DEK: variants seen among roughly 807,000 people sequenced by gnomAD.
DEK encodes the protein DEK proto-oncogene.
A neutral mutation model predicts 46.8 loss-of-function variants in DEK; 28 were observed. The ratio of observed to expected loss-of-function variants is 0.60; its 90% CI spans 0.44 to 0.82. The LOEUF (loss-of-function observed/expected upper bound fraction) is 0.82, where lower values mean the gene tolerates loss of function less well. Ranked by LOEUF, DEK falls within the 40% of genes least tolerant of loss-of-function variation. The pLI is 0.00. For synonymous variants in DEK, 160 were observed against 144.5 expected (o/e 1.11, Z -0.77); for missense variants, 416 against 430.6 (o/e 0.97, Z 0.30).
At chr6:18,256,328 G>A in intron 5 of DEK, 33 bp downstream of exon 5, 6 of 1,545,402 alleles carry the variant, frequency 3.9e-6, no homozygotes, top group Non-Finnish European at 5.3e-6. Flanking sequence ...AAAGCATATT[G>A]ATCAAAATAC....
chr6:18,239,001 C>T lies in DEK; in HGVS notation c.763-1485G>A, dbSNP rs550086891. Reference sequence around the variant, plus strand: ...GTGCAATGGCATGATCTCGGCTCACCGCAACCTCTGCCTCCCGGGTTCAAG... The same window carrying T: ...GTGCAATGGCATGATCTCGGCTCACTGCAACCTCTGCCTCCCGGGTTCAAG... On this transcript the variant is annotated intron_variant, in intron 7 of 10. Transcript: ENST00000652689. 4.0e-3 allele frequency among the ~76,000 whole-genome samples: 609 copies of T among 152,132 alleles called. 1 individual carries two copies. The highest frequency in any genetic ancestry group is 6.4e-3 in the Non-Finnish European group (432 of 67,986).
At chr6:18,257,805 T>G (rs1477076918) in intron 4 of DEK, 148 bp downstream of exon 4, 7 of 454,964 alleles carry the variant, frequency 1.5e-5, no homozygotes, top group Non-Finnish European at 2.7e-5. Flanking sequence ...CAGCTGTGTT[T>G]CCTGTGATAA....
intron 1 of DEK, 146 bp from the exon 2 acceptor site, chr6:18,264,142 C>G: frequency 3.1e-6 from 2 of 636,874 alleles, no homozygotes; most frequent in Non-Finnish European, 4.7e-6. Flanking sequence ...AGCGCTCAGT[C>G]CCCAGGGGCG....
chr6:18,233,521 T>C (rs548205666), intron 9 of DEK, among the ~76,000 whole-genome samples: 10 of 152,096 alleles, frequency 6.6e-5, no homozygotes, highest in Admixed American at 3.3e-4. Flanking sequence ...AACAACCCCA[T>C]CAAAAAGTGG....
chr6:18,258,053 T>TA lies in DEK; in HGVS notation c.256_257insT (p.Gln86LeufsTer5). On this transcript the variant is annotated frameshift_variant, in exon 4 of 11. Transcript: ENST00000652689. LOFTEE classifies it high-confidence loss of function. ...TATCCTCTCAATTTCACAAAGTTTC[T>TA]GCCCCTTTCCTGGGGAAAAAAAAAA... 1 of 1,602,990 alleles carries TA rather than the reference T, an allele frequency of 6.2e-7. No individual in the cohort carries two copies. The highest frequency in any genetic ancestry group is 8.5e-7 in the Non-Finnish European group (1 of 1,176,668).
At chr6:18,249,908 T>C in intron 6 of DEK, 69 bp from the exon 7 acceptor site, 3 of 1,482,502 alleles carry the variant, frequency 2.0e-6, no homozygotes, top group Non-Finnish European at 1.8e-6. Flanking sequence ...TCTTGAAAAC[T>C]TATCAACTCA....
chr6:18,252,373 G>A (rs532265398), intron 6 of DEK, among the ~76,000 whole-genome samples: 4 of 151,900 alleles, frequency 2.6e-5, no homozygotes, highest in African/African-American at 7.2e-5. Flanking sequence ...GCCACACATG[G>A]TAGCATACAC....
intron 7 of DEK, among the ~76,000 whole-genome samples, 161 bp from the exon 8 acceptor site, chr6:18,237,677 A>G (rs1478741004): frequency 6.6e-6 from 1 of 152,020 alleles, no homozygotes; most frequent in Non-Finnish European, 1.5e-5. Flanking sequence ...ATATACAACA[A>G]TTTTATCCCA....
intron 6 of DEK, among the ~76,000 whole-genome samples, chr6:18,251,428 T>C (rs1366276194): frequency 6.6e-6 from 1 of 152,184 alleles, no homozygotes; most frequent in Non-Finnish European, 1.5e-5. Context: ...CTTTGTATAA[T>C]ATGGTACTCT....
At chr6:18,228,821 G>A (rs1438495597) in intron 9 of DEK, among the ~76,000 whole-genome samples, 1 of 152,240 alleles carries the variant, frequency 6.6e-6, no homozygotes, top group Non-Finnish European at 1.5e-5. Context: ...CAGCAAGGCT[G>A]GGGGAGGGGC....
At chr6:18,249,528 T>C (rs770381430) in intron 7 of DEK, 123 bp downstream of exon 7, 1 of 1,364,660 alleles carries the variant, frequency 7.3e-7, no homozygotes, top group Non-Finnish European at 9.6e-7. Context: ...TACTTAATCA[T>C]TTCTGCATCT....
chr6:18,256,543 T>C, intron 4 of DEK, 88 bp from the exon 5 acceptor site: 1 of 1,067,382 alleles, frequency 9.4e-7, no homozygotes, highest in Non-Finnish European at 1.4e-6. Flanking sequence ...TCAACATCTT[T>C]ATTTTCATAC....
intron 4 of DEK, among the ~76,000 whole-genome samples, chr6:18,257,490 C>G (rs968514663): frequency 1.6e-4 from 25 of 152,216 alleles, no homozygotes; most frequent in African/African-American, 5.5e-4. Flanking sequence ...GGTGGGAGGA[C>G]CACTTGAGCT....
intron 6 of DEK, 91 bp from the exon 7 acceptor site, chr6:18,249,930 C>T (rs1791295242): frequency 1.4e-6 from 2 of 1,445,772 alleles, no homozygotes; most frequent in African/African-American, 1.4e-5. Context: ...TTTCTTATTC[C>T]TCTCTCAAGA....
At position 18,224,354 on chromosome 6, in the gene DEK, A is replaced by G. The variant is rs553180623; in HGVS notation, c.*1365T>C. The G allele has an allele frequency of 3.2e-4, 60 of 185,584 alleles. No homozygotes were observed. The highest frequency in any genetic ancestry group is 5.5e-4 in the Non-Finnish European group (48 of 87,854). The allele number at this position is 185,584 out of a possible 1,614,324, so 11.5% of individuals were successfully genotyped here. A position where few individuals can be genotyped will look rare whatever the true frequency, so the allele number is the denominator to read the frequency against. On this transcript the variant is annotated 3_prime_UTR_variant, in exon 11 of 11. Transcript: ENST00000652689. ...GAAAATACCTGTTAACATTCAACATATATTTTTATATATTTCTGTTCTATG... is the reference window on the plus strand; with the variant it reads ...GAAAATACCTGTTAACATTCAACATGTATTTTTATATATTTCTGTTCTATG...
chr6:18,249,852 TTA>T lies in DEK; in HGVS notation c.574-15_574-14del. The stretch of plus-strand genomic sequence containing the variant: ...ATTTCGGCAATGGCTGCATAAAAAT[TTA>T]TAAAGATAACACCAATGAGGTATAA... On this transcript the variant is annotated splice_polypyrimidine_tract_variant and intron_variant, in intron 6 of 10. Transcript: ENST00000652689. The T allele has an allele frequency of 1.3e-6, 2 of 1,587,244 alleles. No homozygotes were observed. The highest frequency in any genetic ancestry group is 8.5e-7 in the Non-Finnish European group (1 of 1,172,300).
At chr6:18,227,619 T>A (rs112563114) in intron 9 of DEK, among the ~76,000 whole-genome samples, 4,727 of 152,268 alleles carry the variant, frequency 0.031, 248 homozygotes, top group African/African-American at 0.11. Flanking sequence ...CTATACTTTG[T>A]GTCTTTTTCT....
In DEK at chr6:18,236,495, C is replaced by A. The variant is rs1432399415; in HGVS notation, c.1004G>T (p.Ser335Ile). 5 of 1,609,652 alleles carry A rather than the reference C, an allele frequency of 3.1e-6. No individual in the cohort carries two copies. The highest frequency in any genetic ancestry group is 3.3e-4 in the Middle Eastern group (2 of 6,044). Reference sequence around the variant, plus strand: ...CATTGTGACTTCTTCCAAGTTAGCACTGGCCAGTAATTTCTTTATTGTTTC... The same window carrying A: ...CATTGTGACTTCTTCCAAGTTAGCAATGGCCAGTAATTTCTTTATTGTTTC... ...LKETIKKLLASANLEEVTMKQ... is the reference protein window; with the variant it reads ...LKETIKKLLAIANLEEVTMKQ... Residue 335 changes from serine (S) to isoleucine (I), a missense_variant, in exon 9 of 11, where the codon AGT becomes ATT. Coordinates refer to ENST00000652689, the MANE Select transcript of DEK (RefSeq NM_003472.4).
intron 6 of DEK, among the ~76,000 whole-genome samples, chr6:18,250,311 T>C (rs1263259195): frequency 6.6e-6 from 1 of 151,764 alleles, no homozygotes; most frequent in Non-Finnish European, 1.5e-5. Flanking sequence ...CTACTAAAAA[T>C]ACAAAAAATT....
Sources: gnomAD v4.1 joint callset for allele counts (sites outside exome capture counted in the v4.1 genomes callset) on GRCh38, gnomAD v4.1.1 for gene constraint, MANE v1.5 for transcripts, NCBI Gene and HGNC (gene_info 2026-07-23, HGNC 2026-07-21) for gene names.